MSRA: variants seen among roughly 807,000 people sequenced by gnomAD.
The protein encoded by MSRA is methionine sulfoxide reductase A.
A neutral mutation model predicts 31.3 loss-of-function variants in MSRA; 54 were observed. The ratio of observed to expected loss-of-function variants is 1.73; its 90% CI spans 1.39 to 2.17. The LOEUF (loss-of-function observed/expected upper bound fraction) is 2.17. MSRA is among the 30% of genes most tolerant of loss of function. The pLI is 0.00. For missense variants in MSRA, 507 were observed against 300.9 expected, an observed-to-expected ratio of 1.69 and a Z score of -5.07; for synonymous variants, 169 against 116.5, an observed-to-expected ratio of 1.45 and a Z score of -2.90.
intron 1 of MSRA, among the ~76,000 whole-genome samples, chr8:10,077,415 G>A (rs1469059902): frequency 4.0e-5 from 6 of 149,854 alleles, no homozygotes; most frequent in East Asian, 2.0e-4. Context: ...AGATGTTGAA[G>A]AAAATCTAAA....
At chr8:10,058,050 T>C (rs1802495868) in intron 1 of MSRA, among the ~76,000 whole-genome samples, 1 of 152,252 alleles carries the variant, frequency 6.6e-6, no homozygotes, top group African/African-American at 2.4e-5. Flanking sequence ...TCCTTTAAAA[T>C]AACTTTGACA....
At chr8:10,329,183 C>G (rs775293767) in intron 5 of MSRA, among the ~76,000 whole-genome samples, 53 of 152,342 alleles carry the variant, frequency 3.5e-4, no homozygotes, top group Admixed American at 5.9e-4. Flanking sequence ...CAAATTACCA[C>G]AAACTGGATG....
chr8:10,347,057 G>A (rs1227296397), intron 5 of MSRA, among the ~76,000 whole-genome samples: 1 of 148,652 alleles, frequency 6.7e-6, no homozygotes, highest in Non-Finnish European at 1.5e-5. Context: ...CCCCTCCAAT[G>A]TGTTTTCACA....
intron 1 of MSRA, among the ~76,000 whole-genome samples, chr8:10,186,089 G>A (rs1807024472): frequency 6.6e-6 from 1 of 152,070 alleles, no homozygotes; most frequent in South Asian, 2.1e-4. Flanking sequence ...TACCGTGTTG[G>A]ACCAGGACAC....
Position 10,330,872 on chromosome 8 carries a change from C to T in MSRA, c.543+10883C>T, listed in dbSNP as rs74503604. 2.5e-4 allele frequency among the ~76,000 whole-genome samples: 38 copies of T among 152,258 alleles called. No homozygotes were observed. In the East Asian group the frequency reaches 7.3e-3, roughly 29 times the overall value. On this transcript the variant is annotated intron_variant, in intron 5 of 5. Coordinates refer to ENST00000317173, the MANE Select transcript of MSRA (RefSeq NM_012331.5). Reference sequence around the variant, plus strand: ...TGTTATGGACCGAATATCTGTGTCCCCCCAAATTCATATGTTGAAGCCTCT... The same window carrying T: ...TGTTATGGACCGAATATCTGTGTCCTCCCAAATTCATATGTTGAAGCCTCT...
At chr8:10,074,847 CG>C (rs764314279) in intron 1 of MSRA, among the ~76,000 whole-genome samples, 2 of 151,876 alleles carry the variant, frequency 1.3e-5, no homozygotes, top group Non-Finnish European at 2.9e-5. Flanking sequence ...TACCCAGAGA[CG>C]GGGGTTCACC....
At chr8:10,190,558 C>T (rs1807423441) in intron 1 of MSRA, among the ~76,000 whole-genome samples, 1 of 152,242 alleles carries the variant, frequency 6.6e-6, no homozygotes, top group Non-Finnish European at 1.5e-5. Flanking sequence ...CACACCTTCT[C>T]CAAGACATCT....
At chr8:10,292,614 A>G (rs1800302762) in intron 3 of MSRA, among the ~76,000 whole-genome samples, 1 of 152,230 alleles carries the variant, frequency 6.6e-6, no homozygotes, top group African/African-American at 2.4e-5. Flanking sequence ...TGACAAAGTC[A>G]GTCCCACAGA....
intron 5 of MSRA, among the ~76,000 whole-genome samples, chr8:10,355,204 G>T (rs1324952180): frequency 1.3e-5 from 2 of 152,186 alleles, no homozygotes; most frequent in Non-Finnish European, 2.9e-5. Flanking sequence ...GCCCAGCCCA[G>T]TTCCTGGCCC....
intron 5 of MSRA, among the ~76,000 whole-genome samples, chr8:10,342,311 A>T (rs1157140570): frequency 6.6e-6 from 1 of 152,150 alleles, no homozygotes; most frequent in South Asian, 2.1e-4. Flanking sequence ...ATTAAAAATT[A>T]AAACTGAGAA....
chr8:10,188,065 C>A (rs1807203747), intron 1 of MSRA, among the ~76,000 whole-genome samples: 1 of 152,210 alleles, frequency 6.6e-6, no homozygotes, highest in African/African-American at 2.4e-5. Flanking sequence ...AAAAAAAATA[C>A]TTCTTTTGAA....
At chr8:10,126,710 T>C (rs1801523625) in intron 1 of MSRA, among the ~76,000 whole-genome samples, 1 of 152,156 alleles carries the variant, frequency 6.6e-6, no homozygotes, top group African/African-American at 2.4e-5. Context: ...GGTGGGATTT[T>C]GCCATGTTGG....
rs1303045833 is a variant in MSRA at position 10,148,305 on chromosome 8, C to CTT, written c.143-59515_143-59514dup. Reference sequence around the variant, plus strand: ...TTTAGATCAGGGCTGAAGAGTTTTTCTTTTTTTTTTTTTTATGAGAAAGGG... The same window carrying CTT: ...TTTAGATCAGGGCTGAAGAGTTTTTCTTTTTTTTTTTTTTTTATGAGAAAGGG... On this transcript the variant is annotated intron_variant, in intron 1 of 5. Transcript: ENST00000317173. 2.4e-3 allele frequency among the ~76,000 whole-genome samples: 335 copies of CTT among 138,258 alleles called. 4 individuals are homozygous for CTT. Among genetic ancestry groups the CTT allele is most frequent in the African/African-American group, 7.4e-3 (279 of 37,712 alleles). The allele number at this position is 138,258 out of a possible 152,430, so 90.7% of individuals were successfully genotyped here.
intron 1 of MSRA, among the ~76,000 whole-genome samples, chr8:10,085,095 T>A (rs1798490133): frequency 6.6e-6 from 1 of 152,154 alleles, no homozygotes; most frequent in African/African-American, 2.4e-5. Flanking sequence ...GCCTGAAGTT[T>A]GAGGAAAATC....
Position 10,319,883 on chromosome 8 carries a change from G to T in MSRA, c.437G>T (p.Gly146Val), listed in dbSNP as rs765064285. ...CCCTCCCTGTTTTCTGCTTTCCTAG[G>T]TATGCGCCAGGGGAACGACCATGGC... is the stretch of plus-strand genomic sequence containing the variant. ...VFWENHDPTQ[G>V]MRQGNDHGTQ... Residue 146 changes from glycine to valine, a missense_variant and splice_region_variant, in exon 5 of 6, where the codon GGT (glycine) becomes GTT (valine). Physicochemically the swap from Gly to Val is moderately radical, Grantham distance 109. Transcript: ENST00000317173. 3.3e-6 allele frequency: 5 copies of T among 1,530,876 alleles called. No homozygotes were observed. The highest frequency in any genetic ancestry group is 4.4e-6 in the Non-Finnish European group (5 of 1,135,376). The allele number at this position is 1,530,876 out of a possible 1,614,324, so 94.8% of individuals were successfully genotyped here.
intron 2 of MSRA, among the ~76,000 whole-genome samples, chr8:10,236,114 G>T (rs918020774): frequency 6.6e-6 from 1 of 152,046 alleles, no homozygotes; most frequent in Non-Finnish European, 1.5e-5. Flanking sequence ...AAGAATGGAA[G>T]GAAACTTTCT....
chr8:10,315,503 T>A (rs1801661647), intron 4 of MSRA, among the ~76,000 whole-genome samples: 1 of 152,234 alleles, frequency 6.6e-6, no homozygotes. Context: ...TGTGCGTATC[T>A]ATTTTATGTA....
At chr8:10,396,148 T>C (rs1424572295) in intron 5 of MSRA, among the ~76,000 whole-genome samples, 1 of 152,202 alleles carries the variant, frequency 6.6e-6, no homozygotes, top group Non-Finnish European at 1.5e-5. Flanking sequence ...TCTTGTTTAC[T>C]GGGGCCACTT....
intron 1 of MSRA, among the ~76,000 whole-genome samples, chr8:10,199,879 A>G (rs553507522): frequency 6.6e-6 from 1 of 151,708 alleles, no homozygotes; most frequent in Non-Finnish European, 1.5e-5. Flanking sequence ...CACAACACTA[A>G]CTCCTGGCAC....
Sources: gnomAD v4.1 joint callset for allele counts (sites outside exome capture counted in the v4.1 genomes callset) on GRCh38, gnomAD v4.1.1 for gene constraint, MANE v1.5 for transcripts, NCBI Gene and HGNC (gene_info 2026-07-23, HGNC 2026-07-21) for gene names.